METTL24: variants seen among roughly 807,000 people sequenced by gnomAD.
METTL24 encodes the protein methyltransferase like 24.
In METTL24, 29 loss-of-function variants were observed where a neutral mutation model predicts 32.7. The observed-to-expected ratio is 0.89, with a 90% confidence interval of 0.66 to 1.21. The LOEUF is 1.21. METTL24 is among the 50% of genes most tolerant of loss of function. The pLI is 0.00. For synonymous variants in METTL24, 163 were observed against 179.5 expected (o/e 0.91, Z 0.73); for missense variants, 439 against 468.1 (o/e 0.94, Z 0.57).
chr6:110,348,102 A>G (rs778864086), intron 1 of METTL24, among the ~76,000 whole-genome samples: 20 of 152,232 alleles, frequency 1.3e-4, no homozygotes, highest in Non-Finnish European at 1.8e-4. Flanking sequence ...CTGGAAACAC[A>G]AGGCTGAACA....
chr6:110,259,413 T>G, intron 4 of METTL24, among the ~76,000 whole-genome samples: 1 of 152,104 alleles, frequency 6.6e-6, no homozygotes, highest in South Asian at 2.1e-4. Context: ...GCGGTGAGGC[T>G]GGGGGAGGGG....
intron 1 of METTL24, among the ~76,000 whole-genome samples, chr6:110,342,384 G>A (rs760953972): frequency 1.3e-5 from 2 of 152,170 alleles, no homozygotes; most frequent in South Asian, 2.1e-4. Context: ...GCCAGCATGT[G>A]GGCTCCACAT....
intron 3 of METTL24, among the ~76,000 whole-genome samples, chr6:110,307,283 A>T (rs1161938433): frequency 6.6e-6 from 1 of 152,256 alleles, no homozygotes; most frequent in Admixed American, 6.5e-5. Flanking sequence ...GTAATGAAGA[A>T]AGATTTTTGA....
chr6:110,335,131 T>C (rs894191649), intron 1 of METTL24, among the ~76,000 whole-genome samples: 1 of 152,224 alleles, frequency 6.6e-6, no homozygotes, highest in Non-Finnish European at 1.5e-5. Flanking sequence ...TATTACGAAG[T>C]GGCCTTTTTC....
chr6:110,293,150 T>C (rs1771349468), intron 4 of METTL24, among the ~76,000 whole-genome samples: 1 of 152,032 alleles, frequency 6.6e-6, no homozygotes, highest in Non-Finnish European at 1.5e-5. Context: ...GCAATTTTAT[T>C]TGGAACATGT....
At chr6:110,260,203 G>A (rs1447090003) in intron 4 of METTL24, among the ~76,000 whole-genome samples, 1 of 152,130 alleles carries the variant, frequency 6.6e-6, no homozygotes, top group African/African-American at 2.4e-5. Flanking sequence ...CGGCAAAGAA[G>A]ATAAAAACTT....
chr6:110,256,048 A>G (rs1475848691), intron 4 of METTL24, among the ~76,000 whole-genome samples: 1 of 152,190 alleles, frequency 6.6e-6, no homozygotes, highest in Non-Finnish European at 1.5e-5. Flanking sequence ...GTGAGAAGAA[A>G]CTAGGAATAA....
At chr6:110,262,482 A>G (rs1193383034) in intron 4 of METTL24, among the ~76,000 whole-genome samples, 2 of 152,204 alleles carry the variant, frequency 1.3e-5, no homozygotes, top group Non-Finnish European at 2.9e-5. Flanking sequence ...TTAATAGCTT[A>G]CCAACCAAAA....
chr6:110,331,027 A>G (rs539370670), intron 1 of METTL24, among the ~76,000 whole-genome samples: 95 of 152,358 alleles, frequency 6.2e-4, no homozygotes, highest in Non-Finnish European at 1.2e-3. Context: ...GTAAAGGTGG[A>G]CATGCTTGAA....
chr6:110,336,495 C>A (rs1337767829), intron 1 of METTL24, among the ~76,000 whole-genome samples: 1 of 152,156 alleles, frequency 6.6e-6, no homozygotes. Context: ...AATCCCAGCA[C>A]TTTGGGAGGC....
chr6:110,326,457 C>T (rs1772018350), intron 1 of METTL24, among the ~76,000 whole-genome samples: 1 of 152,296 alleles, frequency 6.6e-6, no homozygotes, highest in South Asian at 2.1e-4. Context: ...GTTCACCTGT[C>T]TTTTGTTAAG....
At chr6:110,324,168 G>A (rs1771979720) in intron 1 of METTL24, among the ~76,000 whole-genome samples, 2 of 152,156 alleles carry the variant, frequency 1.3e-5, no homozygotes, top group Admixed American at 6.5e-5. Context: ...TCTCACTTGG[G>A]CGTCTGAGAT....
At chr6:110,352,753 C>T (rs759550622) in intron 1 of METTL24, among the ~76,000 whole-genome samples, 5 of 152,048 alleles carry the variant, frequency 3.3e-5, no homozygotes, top group African/African-American at 1.2e-4. Context: ...TTACTTTCTA[C>T]GAACCACAGA....
At chr6:110,316,721 C>G (rs977699711) in intron 2 of METTL24, among the ~76,000 whole-genome samples, 1 of 152,084 alleles carries the variant, frequency 6.6e-6, no homozygotes, top group Admixed American at 6.6e-5. Context: ...CATGGCAAAA[C>G]TTCATCTCTA....
intron 4 of METTL24, among the ~76,000 whole-genome samples, chr6:110,262,503 G>A (rs1770755248): frequency 6.6e-6 from 1 of 152,088 alleles, no homozygotes; most frequent in Non-Finnish European, 1.5e-5. Context: ...AAAAGTCCAG[G>A]ACCAGATGGA....
intron 1 of METTL24, among the ~76,000 whole-genome samples, chr6:110,354,072 T>C (rs1772660778): frequency 6.6e-6 from 1 of 152,330 alleles, no homozygotes; most frequent in South Asian, 2.1e-4. Flanking sequence ...TTAAAGAATC[T>C]GTAATACACA....
chr6:110,263,628 T>G (rs1339507583), intron 4 of METTL24, among the ~76,000 whole-genome samples: 1 of 152,126 alleles, frequency 6.6e-6, no homozygotes, highest in Non-Finnish European at 1.5e-5. Context: ...TACTTTAAAG[T>G]TCATGTGGAA....
chr6:110,313,726 C>A lies in METTL24; in HGVS notation c.557+1616G>T, dbSNP rs148641602. 1.5e-3 allele frequency among the ~76,000 whole-genome samples: 233 copies of A among 152,302 alleles called. 1 individual carries two copies. The highest frequency in any genetic ancestry group is 5.4e-3 in the African/African-American group (225 of 41,564). ...TCCTCCCTCCAATCTTGAAGCATAG[C>A]TGGTGGGCTTCCAGAAAGAGAGCTC... On this transcript the variant is annotated intron_variant, in intron 3 of 4. Transcript: ENST00000338882.
Position 110,358,196 on chromosome 6 carries a change from C to CCGAA in METTL24, c.73_76dup (p.Gly26ValfsTer102), listed in dbSNP as rs1772740147. 1 of 1,457,010 alleles carries CCGAA rather than the reference C, an allele frequency of 6.9e-7. No individual in the cohort carries two copies. Among genetic ancestry groups the CCGAA allele is most frequent in the Non-Finnish European group, 9.0e-7 (1 of 1,111,224 alleles). 90.3% of individuals were successfully genotyped at this position (1,457,010 alleles called of 1,614,324 possible). ...CCGCAGCTCTGCGCAGAGCCGCAGGCCGAACAACAGCACAGCCCCGAGTAG... is the reference window on the plus strand; with the variant it reads ...CCGCAGCTCTGCGCAGAGCCGCAGGCCGAACGAACAACAGCACAGCCCCGAGTAG... On this transcript the variant is annotated frameshift_variant, in exon 1 of 5. Transcript: ENST00000338882. LOFTEE classifies it high-confidence loss of function.
Sources: gnomAD v4.1 joint callset for allele counts (sites outside exome capture counted in the v4.1 genomes callset) on GRCh38, gnomAD v4.1.1 for gene constraint, MANE v1.5 for transcripts, NCBI Gene and HGNC (gene_info 2026-07-23, HGNC 2026-07-21) for gene names.